PRDM5: variants seen among roughly 807,000 people sequenced by gnomAD.
PRDM5 encodes the protein PR domain zinc finger protein 5.
PRDM5 carries 56 observed loss-of-function variants against 81.2 expected under a neutral mutation model. The ratio of observed to expected loss-of-function variants is 0.69; its 90% CI spans 0.56 to 0.86. The LOEUF is 0.86. Among genes scored for constraint, PRDM5 ranks in the 40% least tolerant of loss-of-function variants. The pLI is 0.00. For missense variants in PRDM5, 697 were observed against 770.1 expected (o/e 0.91, Z 1.12); for synonymous variants, 267 against 256.4 (o/e 1.04, Z -0.39).
chr4:120,781,299 C>T lies in PRDM5; in HGVS notation c.1287G>A (p.Glu429=). ...LQRHLLIHNS[E]RTFKCHHCDA... Reference sequence around the variant, plus strand: ...CGCAGTGATGGCACTTGAAAGTCCTCTCACCTTAGAAACAAAGAGAAACAT... The same window carrying T: ...CGCAGTGATGGCACTTGAAAGTCCTTTCACCTTAGAAACAAAGAGAAACAT... The change falls in exon 12 of 16, where the codon GAG becomes GAA. Residue 429 remains glutamate (E), a synonymous_variant. Transcript: ENST00000264808. 6.2e-7 allele frequency: 1 copy of T among 1,612,540 alleles called. No homozygotes were observed. The highest frequency in any genetic ancestry group is 8.5e-7 in the Non-Finnish European group (1 of 1,178,954).
chr4:120,771,369 T>A (rs1246817201), intron 13 of PRDM5, among the ~76,000 whole-genome samples: 1 of 152,064 alleles, frequency 6.6e-6, no homozygotes, highest in Non-Finnish European at 1.5e-5. Context: ...ATGATTTAAT[T>A]TCAAGGAAAA....
intron 2 of PRDM5, among the ~76,000 whole-genome samples, chr4:120,899,094 T>C (rs762379182): frequency 2.0e-5 from 3 of 152,304 alleles, no homozygotes; most frequent in South Asian, 4.2e-4. Flanking sequence ...GGAATAAATA[T>C]ACTTTGGGTT....
intron 14 of PRDM5, among the ~76,000 whole-genome samples, chr4:120,716,258 T>C (rs559897765): frequency 2.6e-5 from 4 of 152,196 alleles, no homozygotes; most frequent in Non-Finnish European, 4.4e-5. Context: ...TCCTTCACAA[T>C]ATACTACAAG....
At chr4:120,744,193 C>T (rs1054672971) in intron 14 of PRDM5, among the ~76,000 whole-genome samples, 2 of 151,832 alleles carry the variant, frequency 1.3e-5, no homozygotes, top group African/African-American at 4.9e-5. Flanking sequence ...GGGTACATAA[C>T]GAAATGAAGG....
At chr4:120,690,442 A>G (rs140333762), downstream of PRDM5, among the ~76,000 whole-genome samples, 6 of 152,246 alleles carry the variant, frequency 3.9e-5, no homozygotes, top group East Asian at 1.2e-3. Flanking sequence ...ACTGAAAAGC[A>G]CTCAATTCAG....
chr4:120,871,832 A>G (rs1236671794), intron 2 of PRDM5, among the ~76,000 whole-genome samples: 1 of 151,736 alleles, frequency 6.6e-6, no homozygotes, highest in Non-Finnish European at 1.5e-5. Context: ...CCATGTTGAT[A>G]GGATTGTAAA....
intron 2 of PRDM5, among the ~76,000 whole-genome samples, chr4:120,860,220 G>A (rs571671350): frequency 1.3e-5 from 2 of 152,238 alleles, no homozygotes; most frequent in Admixed American, 1.3e-4. Flanking sequence ...ATTTGATACA[G>A]TCTCAATAAA....
At chr4:120,724,603 T>G (rs535821335) in intron 14 of PRDM5, among the ~76,000 whole-genome samples, 48 of 152,330 alleles carry the variant, frequency 3.2e-4, no homozygotes, top group Non-Finnish European at 6.5e-4. Context: ...CTGACATATG[T>G]GATGGTGGCA....
intron 2 of PRDM5, among the ~76,000 whole-genome samples, chr4:120,860,574 CA>C (rs1760451802): frequency 6.6e-6 from 1 of 151,038 alleles, no homozygotes; most frequent in South Asian, 2.1e-4. Context: ...GCTTTTTTAT[CA>C]CATGAAGAAT....
intron 14 of PRDM5, among the ~76,000 whole-genome samples, chr4:120,726,209 T>C (rs550445268): frequency 2.6e-5 from 4 of 152,206 alleles, no homozygotes; most frequent in Admixed American, 6.5e-5. Flanking sequence ...AAAAATATTT[T>C]TACAGAGAGA....
chr4:120,853,619 G>T (rs1354374603), intron 2 of PRDM5, 79 bp from the exon 3 acceptor site: 3 of 1,576,504 alleles, frequency 1.9e-6, no homozygotes, highest in East Asian at 2.2e-5. Flanking sequence ...AGGACATGAC[G>T]TTTTTTCATA....
At chr4:120,894,128 A>G (rs981014158) in intron 2 of PRDM5, among the ~76,000 whole-genome samples, 17 of 152,170 alleles carry the variant, frequency 1.1e-4, no homozygotes, top group Admixed American at 3.9e-4. Context: ...GGATTAATAA[A>G]ATGATTTTAT....
intron 1 of PRDM5, among the ~76,000 whole-genome samples, chr4:120,915,606 G>A (rs1410214469): frequency 6.6e-6 from 1 of 152,102 alleles, no homozygotes; most frequent in Non-Finnish European, 1.5e-5. Context: ...CTGAAGAAAA[G>A]CAATAAACTA....
intron 14 of PRDM5, among the ~76,000 whole-genome samples, chr4:120,723,158 A>G (rs985323309): frequency 1.3e-5 from 2 of 152,232 alleles, no homozygotes; most frequent in African/African-American, 4.8e-5. Flanking sequence ...ACAATGAACG[A>G]AAAATTCAAA....
At chr4:120,879,928 GAC>G (rs1469775506) in intron 2 of PRDM5, among the ~76,000 whole-genome samples, 3 of 152,116 alleles carry the variant, frequency 2.0e-5, no homozygotes, top group Non-Finnish European at 4.4e-5. Flanking sequence ...TATTCTATAT[GAC>G]ACTGTAGCAG....
At chr4:120,713,148 C>T (rs1317731848) in intron 14 of PRDM5, among the ~76,000 whole-genome samples, 26 of 152,134 alleles carry the variant, frequency 1.7e-4, no homozygotes, top group Admixed American at 1.7e-3. Flanking sequence ...AAATTTTAAA[C>T]TATTATGCTA....
chr4:120,749,434 C>A (rs866827269), intron 14 of PRDM5, among the ~76,000 whole-genome samples: 4 of 152,100 alleles, frequency 2.6e-5, no homozygotes, highest in Non-Finnish European at 5.9e-5. Context: ...GGGCAGGATA[C>A]CTTAGAGAGC....
chr4:120,840,915 G>A (rs1757957097), intron 3 of PRDM5, among the ~76,000 whole-genome samples: 1 of 152,212 alleles, frequency 6.6e-6, no homozygotes, highest in African/African-American at 2.4e-5. Context: ...AGGAGGCAGA[G>A]CTCAGGCAGT....
intron 2 of PRDM5, among the ~76,000 whole-genome samples, chr4:120,880,048 A>C (rs758215781): frequency 6.6e-6 from 1 of 152,170 alleles, no homozygotes; most frequent in African/African-American, 2.4e-5. Flanking sequence ...ATATTGGTTC[A>C]TCAAATGTAA....
Sources: allele counts gnomAD v4.1 joint callset (sites outside exome capture counted in the v4.1 genomes callset), GRCh38; gene constraint gnomAD v4.1.1; transcripts MANE v1.5; gene names NCBI Gene and HGNC (gene_info 2026-07-23, HGNC 2026-07-21).